ST18: variants seen among roughly 807,000 people sequenced by gnomAD.
The protein encoded by ST18 is suppression of tumorigenicity 18 protein.
Under a neutral mutation model 110.0 loss-of-function variants are expected in ST18, and 50 were observed. That is an observed-to-expected ratio of 0.45 (90% CI 0.36 to 0.58). The LOEUF (loss-of-function observed/expected upper bound fraction) is 0.58, where lower values mean the gene tolerates loss of function less well. Among genes scored for constraint, ST18 ranks in the 20% least tolerant of loss-of-function variants. The pLI is 0.00. For synonymous variants in ST18, 461 were observed against 452.4 expected, an observed-to-expected ratio of 1.02 and a Z score of -0.24; for missense variants, 1,306 against 1,280.1, an observed-to-expected ratio of 1.02 and a Z score of -0.31.
chr8:52,151,202 C>A (rs918146319), intron 15 of ST18, among the ~76,000 whole-genome samples: 2 of 152,082 alleles, frequency 1.3e-5, no homozygotes, highest in African/African-American at 2.4e-5. Flanking sequence ...CCCCCCACTC[C>A]CAACCCCCAA....
At chr8:52,199,910 T>A (rs559245417) in intron 8 of ST18, among the ~76,000 whole-genome samples, 3 of 152,280 alleles carry the variant, frequency 2.0e-5, no homozygotes, top group African/African-American at 7.2e-5. Context: ...CAAACTCAGG[T>A]CAAACCCCCA....
chr8:52,173,604 G>A (rs1056999841), intron 9 of ST18, among the ~76,000 whole-genome samples: 3 of 152,182 alleles, frequency 2.0e-5, no homozygotes, highest in Non-Finnish European at 4.4e-5. Flanking sequence ...TGGATTCACA[G>A]GTGACTCCAG....
chr8:52,154,280 G>T (rs920023582), intron 15 of ST18: 1 of 152,202 alleles, frequency 6.6e-6, no homozygotes, highest in South Asian at 2.1e-4. Flanking sequence ...GAATGGCGGT[G>T]CCACATCATG....
chr8:52,324,528 G>A (rs1805430758), intron 2 of ST18, among the ~76,000 whole-genome samples: 1 of 152,114 alleles, frequency 6.6e-6, no homozygotes, highest in Non-Finnish European at 1.5e-5. Context: ...CAGGTGGAAG[G>A]AACCATGTAG....
intron 2 of ST18, among the ~76,000 whole-genome samples, chr8:52,247,618 T>G (rs2093963102): frequency 6.6e-6 from 1 of 152,176 alleles, no homozygotes; most frequent in African/African-American, 2.4e-5. Flanking sequence ...AAAAATAAAT[T>G]GTAATACATG....
intron 2 of ST18, chr8:52,405,914 T>C (rs1844317387): frequency 6.6e-6 from 1 of 152,192 alleles, no homozygotes; most frequent in South Asian, 2.1e-4. Flanking sequence ...GACATATCAT[T>C]AATTGTTGAA....
intron 25 of ST18, among the ~76,000 whole-genome samples, chr8:52,113,969 T>G (rs1302714327): frequency 2.2e-4 from 25 of 115,932 alleles, no homozygotes; most frequent in African/African-American, 7.5e-4. Context: ...TTTTTTTTTT[T>G]TTTTTTTTTT....
chr8:52,161,315 A>G, intron 14 of ST18, 60 bp downstream of exon 14: 1 of 1,546,146 alleles, frequency 6.5e-7, no homozygotes, highest in Middle Eastern at 1.7e-4. Flanking sequence ...CCCCCAGTAC[A>G]CACATACACC....
intron 21 of ST18, among the ~76,000 whole-genome samples, chr8:52,132,539 C>A (rs960140314): frequency 6.6e-6 from 1 of 152,136 alleles, no homozygotes; most frequent in African/African-American, 2.4e-5. Context: ...TTCCGAAGAC[C>A]AAAGGTATAA....
intron 2 of ST18, among the ~76,000 whole-genome samples, chr8:52,301,068 A>C (rs2095713308): frequency 6.6e-6 from 1 of 152,220 alleles, no homozygotes; most frequent in Non-Finnish European, 1.5e-5. Flanking sequence ...CATCAGGAAA[A>C]GGTAGAATGT....
chr8:52,114,269 C>T (rs2130179827), intron 25 of ST18, among the ~76,000 whole-genome samples: 1 of 152,186 alleles, frequency 6.6e-6, no homozygotes, highest in African/African-American at 2.4e-5. Flanking sequence ...CATGCTTGGC[C>T]TCCCTGTTCT....
rs143243914 is a variant in ST18 at position 52,124,777 on chromosome 8, G to A, written c.2755+1275C>T. ...ACACTCCCCTCCTTTGGCGCTTAGA[G>A]GTGAGGACCCATGGAGGGAGAGAAT... is the stretch of plus-strand genomic sequence containing the variant. On this transcript the variant is annotated intron_variant, in intron 23 of 25. Coordinates refer to ENST00000689386, the MANE Select transcript of ST18 (RefSeq NM_001352837.2). 4.3e-3 allele frequency among the ~76,000 whole-genome samples: 649 copies of A among 152,188 alleles called. 6 individuals are homozygous for A. Among genetic ancestry groups the A allele is most frequent in the African/African-American group, 0.015 (619 of 41,518 alleles).
intron 8 of ST18, among the ~76,000 whole-genome samples, chr8:52,180,871 A>C (rs1435722565): frequency 6.6e-6 from 1 of 152,236 alleles, no homozygotes; most frequent in African/African-American, 2.4e-5. Flanking sequence ...CAAACACAAA[A>C]AAAGTGGAAA....
At chr8:52,286,392 C>A (rs1030882868) in intron 2 of ST18, among the ~76,000 whole-genome samples, 8 of 152,154 alleles carry the variant, frequency 5.3e-5, no homozygotes, top group African/African-American at 1.2e-4. Flanking sequence ...GTGGAAACAG[C>A]AGAGCAGAGC....
intron 8 of ST18, among the ~76,000 whole-genome samples, chr8:52,193,402 G>A (rs1377707081): frequency 6.6e-6 from 1 of 152,154 alleles, no homozygotes; most frequent in Non-Finnish European, 1.5e-5. Flanking sequence ...TTAACCCAAA[G>A]TCCCATCTCC....
At chr8:52,171,460 A>T (rs2064931116) in intron 10 of ST18, 1 of 395,402 alleles carries the variant, frequency 2.5e-6, no homozygotes, top group African/African-American at 2.1e-5. Context: ...GGAAGATTTA[A>T]GATCCAGTAA....
intron 6 of ST18, among the ~76,000 whole-genome samples, chr8:52,216,896 T>C (rs2084482674): frequency 6.6e-6 from 1 of 152,192 alleles, no homozygotes; most frequent in Non-Finnish European, 1.5e-5. Context: ...AGTGTGTGTG[T>C]TCAGGCCCCT....
At chr8:52,360,206 A>G (rs1825092491) in intron 2 of ST18, among the ~76,000 whole-genome samples, 1 of 152,124 alleles carries the variant, frequency 6.6e-6, no homozygotes, top group Non-Finnish European at 1.5e-5. Context: ...TATTGTACTC[A>G]TACCTACATA....
In ST18 at chr8:52,118,358, T is replaced by A; in HGVS notation, c.2839A>T (p.Met947Leu). Residue 947 changes from methionine to leucine, a missense_variant, in exon 24 of 26, where the codon ATG (methionine) becomes TTG (leucine). Transcript: ENST00000689386. ...TTTACCTGGGTCTGAAGTTTCATCA[T>A]ATCTGCTTCAATTTTAAGGTTGGAT... Reference protein sequence around the residue: ...NESNLKIEADMMKLQTQITSM... With the variant: ...NESNLKIEADLMKLQTQITSM... 1 of 1,609,068 alleles carries A rather than the reference T, an allele frequency of 6.2e-7. No homozygotes were observed. The highest frequency in any genetic ancestry group is 1.1e-5 in the South Asian group (1 of 89,572).
Sources: allele counts gnomAD v4.1 joint callset (sites outside exome capture counted in the v4.1 genomes callset), GRCh38; gene constraint gnomAD v4.1.1; transcripts MANE v1.5; gene names NCBI Gene and HGNC (gene_info 2026-07-23, HGNC 2026-07-21).